The following VPS50 variants were observed in gnomAD, a reference collection of about 807,000 sequenced individuals.
The protein encoded by VPS50 is VPS50 subunit of EARP/GARPII complex, also known as syndetin.
Under a neutral mutation model 139.7 loss-of-function variants are expected in VPS50, and 70 were observed. The ratio of observed to expected loss-of-function variants is 0.50; its 90% CI spans 0.41 to 0.61. The LOEUF (loss-of-function observed/expected upper bound fraction) is 0.61, where lower values mean the gene tolerates loss of function less well. Ranked by LOEUF, VPS50 falls within the 20% of genes least tolerant of loss-of-function variation. VPS50 has a pLI of 0.00. For missense variants in VPS50, 921 were observed against 1,133.7 expected (o/e 0.81, Z 2.69); for synonymous variants, 365 against 376.7 (o/e 0.97, Z 0.36).
intron 26 of VPS50, among the ~76,000 whole-genome samples, chr7:93,355,333 C>G (rs1435783998): frequency 6.6e-6 from 1 of 152,080 alleles, no homozygotes; most frequent in Non-Finnish European, 1.5e-5. Context: ...TTAAAACACA[C>G]TGTTTCAGTA....
intron 20 of VPS50, among the ~76,000 whole-genome samples, chr7:93,314,827 A>T (rs1187358626): frequency 6.6e-6 from 1 of 152,112 alleles, no homozygotes; most frequent in Non-Finnish European, 1.5e-5. Context: ...CTCCTTCATT[A>T]GGACATTCTT....
intron 3 of VPS50, among the ~76,000 whole-genome samples, chr7:93,252,984 A>G (rs934300603): frequency 6.6e-6 from 1 of 152,194 alleles, no homozygotes; most frequent in African/African-American, 2.4e-5. Context: ...CCGTTCAGGG[A>G]AACATTTCTG....
intron 25 of VPS50, among the ~76,000 whole-genome samples, chr7:93,353,259 A>G (rs573755677): frequency 1.4e-4 from 22 of 152,326 alleles, no homozygotes; most frequent in African/African-American, 4.3e-4. Context: ...ACGCATGTCA[A>G]ACCATGTTTT....
intron 8 of VPS50, 92 bp downstream of exon 8, chr7:93,258,484 G>T: frequency 1.1e-6 from 1 of 916,722 alleles, no homozygotes; most frequent in Admixed American, 2.1e-5. Flanking sequence ...TCTCAAATGG[G>T]TTTATGATAT....
At position 93,272,289 on chromosome 7, in the gene VPS50, C is replaced by T. The variant is rs532840124; in HGVS notation, c.703-346C>T. 9.2e-5 allele frequency among the ~76,000 whole-genome samples: 14 copies of T among 151,810 alleles called. No homozygotes were observed. In the South Asian group the frequency reaches 2.9e-3, roughly 31 times the overall value. On this transcript the variant is annotated intron_variant, in intron 10 of 27. Coordinates refer to ENST00000305866, the MANE Select transcript of VPS50 (RefSeq NM_017667.4). ...TTGTTCTCCAGTAGTCCCACAAATT[C>T]AGTTTATATAAGATTTTAGCAGATG...
chr7:93,297,164 G>T lies in VPS50; in HGVS notation c.1282G>T (p.Glu428Ter). The change falls in exon 16 of 28, where the codon GAA becomes TAA. Residue 428 changes from glutamate (E) to a stop codon, truncating the protein, a stop_gained. Transcript: ENST00000305866. LOFTEE classifies it high-confidence loss of function. ...IISRLMQVGE[E>*]FCGSKSEVLQ... ...AACTAGGTTGATGCAAGTTGGAGAAGAATTTTGTGGTAGCAAGTCTGAAGT... is the reference window on the plus strand; with the variant it reads ...AACTAGGTTGATGCAAGTTGGAGAATAATTTTGTGGTAGCAAGTCTGAAGT... The T allele has an allele frequency of 6.4e-7, 1 of 1,562,128 alleles. No individual in the cohort carries two copies. Among genetic ancestry groups the T allele is most frequent in the Non-Finnish European group, 8.6e-7 (1 of 1,163,830 alleles).
At chr7:93,327,435 C>T (rs1303996507) in intron 21 of VPS50, among the ~76,000 whole-genome samples, 1 of 152,134 alleles carries the variant, frequency 6.6e-6, no homozygotes, top group South Asian at 2.1e-4. Context: ...TTTCCCAGCT[C>T]ATTATATACT....
At chr7:93,324,324 G>T (rs1797705427) in intron 21 of VPS50, among the ~76,000 whole-genome samples, 1 of 152,166 alleles carries the variant, frequency 6.6e-6, no homozygotes, top group Non-Finnish European at 1.5e-5. Flanking sequence ...CCAACACTAT[G>T]TTGAATAGGA....
chr7:93,257,363 C>G (rs762768236), intron 5 of VPS50, 31 bp from the exon 6 acceptor site: 1 of 1,337,870 alleles, frequency 7.5e-7, no homozygotes, highest in South Asian at 1.2e-5. Context: ...AAAATACCTC[C>G]AACAATAACC....
intron 25 of VPS50, among the ~76,000 whole-genome samples, chr7:93,352,764 G>A (rs1470001180): frequency 6.6e-6 from 1 of 152,010 alleles, no homozygotes; most frequent in African/African-American, 2.4e-5. Flanking sequence ...TCAGGTATAT[G>A]TATTTATATT....
At chr7:93,249,924 C>T (rs568864731) in intron 2 of VPS50, among the ~76,000 whole-genome samples, 13 of 152,212 alleles carry the variant, frequency 8.5e-5, no homozygotes, top group Admixed American at 2.0e-4. Flanking sequence ...CAAGTCTGTG[C>T]GGCAGCACCA....
At chr7:93,354,439 G>A (rs911196747) in intron 26 of VPS50, among the ~76,000 whole-genome samples, 1 of 151,858 alleles carries the variant, frequency 6.6e-6, no homozygotes, top group African/African-American at 2.4e-5. Context: ...AACTACAGGT[G>A]TGTGCCACCA....
At position 93,291,806 on chromosome 7, in the gene VPS50, A is replaced by G. The variant is rs1217541299; in HGVS notation, c.1046A>G (p.His349Arg). Residue 349 changes from histidine to arginine, a missense_variant, in exon 13 of 28, where the codon CAT (histidine) becomes CGT (arginine). Coordinates refer to ENST00000305866, the MANE Select transcript of VPS50 (RefSeq NM_017667.4). Reference protein sequence around the residue: ...YYRTMEWHEKHDNEDTASASE... With the variant: ...YYRTMEWHEKRDNEDTASASE... ...AGGACTATGGAATGGCATGAAAAGC[A>G]TGACAATGAGGATACTGCTTCAGCT... 2 of 1,602,496 alleles carry G rather than the reference A, an allele frequency of 1.2e-6. No individual in the cohort carries two copies. The highest frequency in any genetic ancestry group is 2.2e-5 in the East Asian group (1 of 44,662).
intron 12 of VPS50, among the ~76,000 whole-genome samples, chr7:93,289,448 T>G (rs533284650): frequency 4.6e-5 from 7 of 152,226 alleles, no homozygotes; most frequent in Admixed American, 2.6e-4. Context: ...ATGTTGTGAA[T>G]ATTTTACAGA....
chr7:93,240,863 T>G (rs1350844577), intron 2 of VPS50, among the ~76,000 whole-genome samples: 1 of 152,136 alleles, frequency 6.6e-6, no homozygotes, highest in African/African-American at 2.4e-5. Context: ...TGCATTGTTT[T>G]TATTTTGGGT....
At chr7:93,268,225 A>C (rs189584359) in intron 9 of VPS50, among the ~76,000 whole-genome samples, 36 of 152,282 alleles carry the variant, frequency 2.4e-4, no homozygotes, top group Admixed American at 1.2e-3. Context: ...CAGCTTTTTG[A>C]AGGATGTTGT....
chr7:93,353,547 C>G, intron 25 of VPS50, 93 bp from the exon 26 acceptor site: 1 of 1,363,570 alleles, frequency 7.3e-7, no homozygotes, highest in Non-Finnish European at 1.0e-6. Context: ...GATTCTGAGT[C>G]TTTCTAAATC....
In VPS50 at chr7:93,322,160, C is replaced by A. The variant is rs577328998; in HGVS notation, c.1856-1451C>A. Among the ~76,000 whole-genome samples the A allele has an allele frequency of 2.0e-5, 3 of 152,212 alleles. No individual in the cohort carries two copies. In the South Asian group the frequency reaches 6.2e-4, roughly 32 times the overall value. ...TTGTATTTGTGTTTCTCTTCTTGAC[C>A]ATCTATTATTTAAAATCATTTCTCA... On this transcript the variant is annotated intron_variant, in intron 20 of 27. Transcript: ENST00000305866.
At chr7:93,333,869 C>T (rs1025003539) in intron 21 of VPS50, 3 of 407,390 alleles carry the variant, frequency 7.4e-6, no homozygotes, top group Non-Finnish European at 1.3e-5. Flanking sequence ...CTGGAGAACT[C>T]TCTCCTGATA....
Sources: gnomAD v4.1 joint callset for allele counts (sites outside exome capture counted in the v4.1 genomes callset) on GRCh38, gnomAD v4.1.1 for gene constraint, MANE v1.5 for transcripts, NCBI Gene and HGNC (gene_info 2026-07-23, HGNC 2026-07-21) for gene names.